FILIP1L: variants seen among roughly 807,000 people sequenced by gnomAD.
FILIP1L encodes the protein filamin A interacting protein 1 like.
In FILIP1L, 55 loss-of-function variants were observed where a neutral mutation model predicts 96.6. The observed-to-expected ratio is 0.57, with a 90% CI of 0.46 to 0.71. The LOEUF is 0.71. FILIP1L is among the 30% of genes least tolerant of loss of function. The probability of loss-of-function intolerance (pLI) is 0.00; values close to 1 mark genes in which losing one functional copy is unlikely to be tolerated. For synonymous variants in FILIP1L, 467 were observed against 473.9 expected, an observed-to-expected ratio of 0.99 and a Z score of 0.19; for missense variants, 1,304 against 1,321.2, an observed-to-expected ratio of 0.99 and a Z score of 0.20.
At chr3:99,958,055 ACTT>A (rs949456383) in intron 1 of FILIP1L, among the ~76,000 whole-genome samples, 1 of 145,232 alleles carries the variant, frequency 6.9e-6, no homozygotes, top group South Asian at 2.2e-4. Context: ...CAGAAATGTC[ACTT>A]CTTTTTTTTT....
At chr3:99,855,665 T>C (rs1211253508) in intron 4 of FILIP1L, among the ~76,000 whole-genome samples, 1 of 152,194 alleles carries the variant, frequency 6.6e-6, no homozygotes, top group African/African-American at 2.4e-5. Flanking sequence ...AACTATCAAC[T>C]TAAAAAATCT....
At chr3:99,982,371 A>G (rs1709151101) in intron 1 of FILIP1L, among the ~76,000 whole-genome samples, 1 of 151,274 alleles carries the variant, frequency 6.6e-6, no homozygotes, top group Non-Finnish European at 1.5e-5. Flanking sequence ...ACAGGGTCTC[A>G]CTCTTTCAAC....
At chr3:100,084,578 T>C (rs2065978518) in intron 1 of FILIP1L, among the ~76,000 whole-genome samples, 1 of 152,238 alleles carries the variant, frequency 6.6e-6, no homozygotes, top group South Asian at 2.1e-4. Context: ...ATGATAGCCG[T>C]GTCTCTTAAA....
intron 5 of FILIP1L, among the ~76,000 whole-genome samples, chr3:99,838,308 C>T (rs1223900737): frequency 6.6e-6 from 1 of 152,186 alleles, no homozygotes; most frequent in African/African-American, 2.4e-5. Flanking sequence ...TCTTGTCACC[C>T]TAACAGTGGC....
Position 99,849,455 on chromosome 3 carries a change from C to T in FILIP1L, c.2221G>A (p.Gly741Arg), listed in dbSNP as rs762729634. 3.9e-5 allele frequency: 63 copies of T among 1,613,882 alleles called. No individual in the cohort carries two copies. In the South Asian group the frequency reaches 6.7e-4, roughly 17 times the overall value. The change falls in exon 5 of 6, where the codon GGA becomes AGA. Residue 741 changes from glycine (G) to arginine (R), a missense_variant. Coordinates refer to ENST00000477258, the MANE Select transcript of FILIP1L (RefSeq NM_001387850.1). Reference protein sequence around the residue: ...ATEDLICHLQGDHSVLQKKLN... With the variant: ...ATEDLICHLQRDHSVLQKKLN... ...TTTTTTTGCAGGACTGAGTGATCTC[C>T]CTGGAGGTGACATATTAGGTCTTCA...
chr3:99,936,768 G>A (rs1707689190), intron 1 of FILIP1L, among the ~76,000 whole-genome samples: 1 of 151,552 alleles, frequency 6.6e-6, no homozygotes, highest in Non-Finnish European at 1.5e-5. Flanking sequence ...TGGCTCCAGA[G>A]CCTACTAAAT....
Position 99,930,038 on chromosome 3 carries a change from A to G in FILIP1L, c.253-9T>C, listed in dbSNP as rs760328433. On this transcript the variant is annotated splice_polypyrimidine_tract_variant and intron_variant, in intron 2 of 5. Coordinates refer to ENST00000477258, the MANE Select transcript of FILIP1L (RefSeq NM_001387850.1). Reference sequence around the variant, plus strand: ...ATGACCTCATCTCGAGCCTGTAGGAACAAAAAGTATTTCAGAAAGCCTGCT... The same window carrying G: ...ATGACCTCATCTCGAGCCTGTAGGAGCAAAAAGTATTTCAGAAAGCCTGCT... 2.5e-6 allele frequency: 4 copies of G among 1,590,812 alleles called. No homozygotes were observed. The highest frequency in any genetic ancestry group is 3.4e-6 in the Non-Finnish European group (4 of 1,170,308).
chr3:100,094,653 A>C (rs1418958309), intron 1 of FILIP1L, among the ~76,000 whole-genome samples: 1 of 131,962 alleles, frequency 7.6e-6, no homozygotes, highest in Non-Finnish European at 1.6e-5. Context: ...TTTCTCCAGC[A>C]CCATTTGTTG....
At chr3:99,908,354 G>A (rs1706687845) in intron 4 of FILIP1L, among the ~76,000 whole-genome samples, 2 of 152,190 alleles carry the variant, frequency 1.3e-5, no homozygotes, top group African/African-American at 4.8e-5. Flanking sequence ...GGCTTCACTC[G>A]TGTTCTCTTG....
intron 1 of FILIP1L, among the ~76,000 whole-genome samples, chr3:100,092,404 T>C (rs1017437711): frequency 3.3e-5 from 5 of 152,096 alleles, no homozygotes; most frequent in Admixed American, 6.6e-5. Context: ...TAATAAGATT[T>C]GTTTTGAGTG....
At chr3:99,836,122 A>G (rs1559649815) in intron 5 of FILIP1L, among the ~76,000 whole-genome samples, 1 of 152,196 alleles carries the variant, frequency 6.6e-6, no homozygotes, top group Non-Finnish European at 1.5e-5. Flanking sequence ...TGTGATCAGA[A>G]TGGTATTTAA....
intron 1 of FILIP1L, among the ~76,000 whole-genome samples, chr3:100,062,257 G>A (rs551489426): frequency 6.5e-4 from 99 of 151,220 alleles, no homozygotes; most frequent in Non-Finnish European, 1.2e-3. Flanking sequence ...GACTACAGGC[G>A]CTCGCCACCA....
intron 1 of FILIP1L, among the ~76,000 whole-genome samples, chr3:100,007,746 A>G (rs1262179196): frequency 2.0e-5 from 3 of 151,964 alleles, no homozygotes; most frequent in Non-Finnish European, 4.4e-5. Context: ...TTTGACTGCC[A>G]CTGTTACCAA....
chr3:99,834,044 A>C (rs1381269716), intron 5 of FILIP1L, among the ~76,000 whole-genome samples: 2 of 152,260 alleles, frequency 1.3e-5, no homozygotes, highest in African/African-American at 2.4e-5. Flanking sequence ...TTGTTTGACA[A>C]ATCACTGCTA....
intron 1 of FILIP1L, among the ~76,000 whole-genome samples, chr3:100,068,924 T>C (rs2065714255): frequency 6.6e-6 from 1 of 152,178 alleles, no homozygotes; most frequent in Non-Finnish European, 1.5e-5. Flanking sequence ...AAGTTCAGCT[T>C]GCTCTCACCC....
intron 1 of FILIP1L, among the ~76,000 whole-genome samples, chr3:100,014,895 CTTTTTTTT>C (rs1233573719): frequency 1.6e-4 from 4 of 25,008 alleles, no homozygotes; most frequent in Admixed American, 5.7e-4. Flanking sequence ...TTCTTTCTTT[CTTTTTTTT>C]TTTTTTTTTT....
intron 1 of FILIP1L, among the ~76,000 whole-genome samples, chr3:99,935,342 T>G (rs1013792589): frequency 1.3e-5 from 2 of 152,028 alleles, no homozygotes; most frequent in African/African-American, 4.8e-5. Flanking sequence ...GCTGACCTAG[T>G]ACCTAGTGAG....
chr3:100,002,633 T>G (rs949402072), intron 1 of FILIP1L, among the ~76,000 whole-genome samples: 8 of 152,186 alleles, frequency 5.3e-5, no homozygotes, highest in African/African-American at 1.9e-4. Context: ...ATCATATGGG[T>G]GTGATTGACC....
rs139874292 is a variant in FILIP1L, at chr3:99,937,083, G to A, written c.-10-6053C>T. 3.0e-3 allele frequency among the ~76,000 whole-genome samples: 450 copies of A among 151,942 alleles called. 2 individuals are homozygous for A. The highest frequency in any genetic ancestry group is 0.01 in the African/African-American group (417 of 41,438). Reference sequence around the variant, plus strand: ...CTCCCAAGTAGCTGGGATTACAGGCGCCTGCCATCATGTGGCTAATTTTTT... The same window carrying A: ...CTCCCAAGTAGCTGGGATTACAGGCACCTGCCATCATGTGGCTAATTTTTT... On this transcript the variant is annotated intron_variant, in intron 1 of 5. Coordinates refer to ENST00000477258, the MANE Select transcript of FILIP1L (RefSeq NM_001387850.1).
Sources: gnomAD v4.1 joint callset for allele counts (sites outside exome capture counted in the v4.1 genomes callset) on GRCh38, gnomAD v4.1.1 for gene constraint, MANE v1.5 for transcripts, NCBI Gene and HGNC (gene_info 2026-07-23, HGNC 2026-07-21) for gene names.